GABRP: variants seen among roughly 807,000 people sequenced by gnomAD.
GABRP encodes the protein gamma-aminobutyric acid type A receptor subunit pi.
In GABRP, 52 loss-of-function variants were observed where a neutral mutation model predicts 47.8. The ratio of observed to expected loss-of-function variants is 1.09; its 90% CI spans 0.87 to 1.37. The LOEUF is 1.37. GABRP is among the 40% of genes most tolerant of loss of function. GABRP has a pLI of 0.00. For synonymous variants in GABRP, 221 were observed against 205.8 expected (o/e 1.07, Z -0.63); for missense variants, 525 against 542.8 (o/e 0.97, Z 0.33).
chr5:170,810,892 G>T (rs554593290), intron 9 of GABRP, among the ~76,000 whole-genome samples: 1 of 151,936 alleles, frequency 6.6e-6, no homozygotes, highest in South Asian at 2.1e-4. Context: ...GCTCCCTTAG[G>T]CTTCCTTATG....
In GABRP at chr5:170,812,247, A is replaced by G. The variant is rs750501713; in HGVS notation, c.1312A>G (p.Met438Val). ...CAATGTATTTTACTGGGCATACTAC[A>G]TGTATTTTTGAGTCAATGTTAAATT... Reference protein sequence around the residue: ...LANVFYWAYYMYF With the variant: ...LANVFYWAYYVYF The change falls in exon 10 of 10, where the codon ATG becomes GTG. Residue 438 changes from methionine (M) to valine (V), a missense_variant. Transcript: ENST00000265294. 6.2e-7 allele frequency: 1 copy of G among 1,609,574 alleles called. No individual in the cohort carries two copies. Among genetic ancestry groups the G allele is most frequent in the Non-Finnish European group, 8.5e-7 (1 of 1,176,748 alleles).
intron 7 of GABRP, among the ~76,000 whole-genome samples, chr5:170,807,009 C>A (rs913509026): frequency 6.6e-6 from 1 of 151,864 alleles, no homozygotes; most frequent in Non-Finnish European, 1.5e-5. Flanking sequence ...AGTGCAGTGG[C>A]GCAATCTCAG....
chr5:170,797,348 A>T (rs1765458212), intron 5 of GABRP, 118 bp from the exon 6 acceptor site: 1 of 696,952 alleles, frequency 1.4e-6, no homozygotes, highest in Admixed American at 2.0e-5. Context: ...GCAGACTCCA[A>T]GCTACATGTT....
Position 170,788,354 on chromosome 5 carries a change from AAT to A in GABRP, c.-42-218_-42-217del. The A allele has an allele frequency of 7.6e-6, 3 of 395,010 alleles. No individual in the cohort carries two copies. In the African/African-American group the frequency reaches 8.4e-5, roughly 11 times the overall value. The allele number at this position is 395,010 out of a possible 1,614,324, so 24.5% of individuals were successfully genotyped here. On this transcript the variant is annotated intron_variant, in intron 1 of 9. Transcript: ENST00000265294. ...ACAGAGTGAGGCCCTGTTTAAAAAA[AAT>A]AAAAAATTAAAAAAAAAAAAAACAT...
chr5:170,796,692 T>G (rs891989711), intron 5 of GABRP, among the ~76,000 whole-genome samples: 10 of 152,162 alleles, frequency 6.6e-5, no homozygotes, highest in Admixed American at 3.9e-4. Context: ...CAGTAAGCAC[T>G]CAGTAAACCA....
chr5:170,798,081 G>A, intron 6 of GABRP, among the ~76,000 whole-genome samples: 1 of 152,148 alleles, frequency 6.6e-6, no homozygotes, highest in East Asian at 1.9e-4. Context: ...TCGCTCTGTC[G>A]CCCAAGCTGG....
In GABRP at chr5:170,794,272, A is replaced by G; in HGVS notation, c.214A>G (p.Ile72Val). 6.2e-7 allele frequency: 1 copy of G among 1,610,684 alleles called. No individual in the cohort carries two copies. The highest frequency in any genetic ancestry group is 2.2e-5 in the East Asian group (1 of 44,794). The change falls in exon 4 of 10, where the codon ATC (isoleucine) becomes GTC (valine). Residue 72 changes from isoleucine to valine, a missense_variant. Physicochemically the swap from Ile to Val is conservative, Grantham distance 29. Transcript: ENST00000265294. The stretch of plus-strand genomic sequence containing the variant: ...AGCGCTGACTCTGGACATTGCAAGT[A>G]TCTCTAGCATTTCAGAGAGTAACAT... Reference protein sequence around the residue: ...QIALTLDIASISSISESNMDY... With the variant: ...QIALTLDIASVSSISESNMDY...
At chr5:170,802,368 G>A (rs536825129) in intron 6 of GABRP, among the ~76,000 whole-genome samples, 5 of 152,304 alleles carry the variant, frequency 3.3e-5, no homozygotes, top group African/African-American at 7.2e-5. Flanking sequence ...CACTCCTTAC[G>A]TAAGGTCACA....
At chr5:170,789,680 C>G (rs1765216864) in intron 3 of GABRP, among the ~76,000 whole-genome samples, 1 of 152,136 alleles carries the variant, frequency 6.6e-6, no homozygotes. Context: ...TGTGTCCCAG[C>G]ATGCTCGCGT....
At chr5:170,810,180 T>C (rs571725216) in intron 9 of GABRP, 78 of 451,004 alleles carry the variant, frequency 1.7e-4, no homozygotes, top group African/African-American at 1.5e-3. Flanking sequence ...TATGGAAATA[T>C]TAGATTGTGA....
chr5:170,796,121 A>G lies in GABRP; in HGVS notation c.458+696A>G, dbSNP rs569563429. Reference sequence around the variant, plus strand: ...CCTAAAGCTCCCAGAGGCCTTGGGGAGGAGGCCAGGAGCCAAATATTCATG... The same window carrying G: ...CCTAAAGCTCCCAGAGGCCTTGGGGGGGAGGCCAGGAGCCAAATATTCATG... On this transcript the variant is annotated intron_variant, in intron 5 of 9. Coordinates refer to ENST00000265294, the MANE Select transcript of GABRP (RefSeq NM_014211.3). Among the ~76,000 whole-genome samples, 5 of 152,334 alleles carry G rather than the reference A, an allele frequency of 3.3e-5. No individual in the cohort carries two copies. The East Asian group carries it at 9.6e-4, about 29-fold the overall frequency.
chr5:170,812,533 C>T lies in GABRP; in HGVS notation c.*275C>T. 2.7e-6 allele frequency: 1 copy of T among 372,034 alleles called. No individual in the cohort carries two copies. The highest frequency in any genetic ancestry group is 4.3e-5 in the South Asian group (1 of 23,372). The allele number at this position is 372,034 out of a possible 1,614,324, so 23.0% of individuals were successfully genotyped here. On this transcript the variant is annotated 3_prime_UTR_variant, in exon 10 of 10. Coordinates refer to ENST00000265294, the MANE Select transcript of GABRP (RefSeq NM_014211.3). ...TGGAGCCCAAGATTACAAATGTACT[C>T]AGGGCTGTTTATTCGGTGGCTCCCT...
At chr5:170,805,057 A>G (rs1354573845) in intron 6 of GABRP, among the ~76,000 whole-genome samples, 1 of 148,554 alleles carries the variant, frequency 6.7e-6, no homozygotes, top group Non-Finnish European at 1.5e-5. Flanking sequence ...ATCAACTACA[A>G]GATCCAGTTC....
chr5:170,807,481 T>C (rs1765765883), intron 7 of GABRP, among the ~76,000 whole-genome samples: 1 of 152,160 alleles, frequency 6.6e-6, no homozygotes, highest in Admixed American at 6.5e-5. Flanking sequence ...TTTAGTCAAA[T>C]GTTGATTCTA....
Position 170,800,467 on chromosome 5 carries a change from T to A in GABRP, c.541+2919T>A, listed in dbSNP as rs148090561. 5.2e-3 allele frequency among the ~76,000 whole-genome samples: 799 copies of A among 152,294 alleles called. 25 individuals are homozygous for A. Among genetic ancestry groups the A allele is most frequent in the Admixed American group, 0.034 (523 of 15,286 alleles). Reference sequence around the variant, plus strand: ...CATGTCTAAAACACTATTTTATTTTTTTTTTCTGTGCAAAGCACTGTGATA... The same window carrying A: ...CATGTCTAAAACACTATTTTATTTTATTTTTCTGTGCAAAGCACTGTGATA... On this transcript the variant is annotated intron_variant, in intron 6 of 9. Coordinates refer to ENST00000265294, the MANE Select transcript of GABRP (RefSeq NM_014211.3).
At position 170,789,921 on chromosome 5, in the gene GABRP, C is replaced by A. The variant is rs7731173; in HGVS notation, c.172+674C>A. 2.4e-3 allele frequency among the ~76,000 whole-genome samples: 373 copies of A among 152,280 alleles called. 3 individuals carry two copies. The highest frequency in any genetic ancestry group is 8.1e-3 in the African/African-American group (336 of 41,552). ...ATCAATTTTCCATCATGTCTCAGAGCAAACGCTGCCTTCTCTGAGAAGCCT... is the reference window on the plus strand; with the variant it reads ...ATCAATTTTCCATCATGTCTCAGAGAAAACGCTGCCTTCTCTGAGAAGCCT... On this transcript the variant is annotated intron_variant, in intron 3 of 9. Transcript: ENST00000265294.
chr5:170,793,668 T>C (rs1765340444), intron 3 of GABRP, among the ~76,000 whole-genome samples: 1 of 152,220 alleles, frequency 6.6e-6, no homozygotes, highest in Non-Finnish European at 1.5e-5. Flanking sequence ...TCTAAACAAT[T>C]AGTTCCTTAC....
chr5:170,789,893 A>C (rs910733140), intron 3 of GABRP, among the ~76,000 whole-genome samples: 10 of 152,040 alleles, frequency 6.6e-5, no homozygotes, highest in Non-Finnish European at 1.5e-5. Flanking sequence ...CTCCCTAGAA[A>C]ATATCAATTT....
At chr5:170,810,057 A>G in intron 9 of GABRP, 1 of 664,858 alleles carries the variant, frequency 1.5e-6, no homozygotes, top group Non-Finnish European at 2.7e-6. Flanking sequence ...TCCAATATGA[A>G]AAAAACATGA....
Sources: gnomAD v4.1 joint callset for allele counts (sites outside exome capture counted in the v4.1 genomes callset) on GRCh38, gnomAD v4.1.1 for gene constraint, MANE v1.5 for transcripts, NCBI Gene and HGNC (gene_info 2026-07-23, HGNC 2026-07-21) for gene names.